The following OSBPL1A variants were observed in gnomAD, a reference collection of about 807,000 sequenced individuals.
OSBPL1A encodes oxysterol-binding protein-related protein 1.
OSBPL1A carries 80 observed loss-of-function variants against 137.1 expected under a neutral mutation model. That is an observed-to-expected ratio of 0.58 (90% confidence interval 0.49 to 0.70). The LOEUF (loss-of-function observed/expected upper bound fraction) is 0.70, where lower values mean the gene tolerates loss of function less well. OSBPL1A is among the 30% of genes least tolerant of loss of function. OSBPL1A has a pLI of 0.00. For missense variants in OSBPL1A, 970 were observed against 1,129.4 expected (o/e 0.86, Z 2.02); for synonymous variants, 365 against 389.7 (o/e 0.94, Z 0.75).
chr18:24,301,126 C>T (rs10163707), intron 14 of OSBPL1A, among the ~76,000 whole-genome samples: 43,365 of 152,096 alleles, frequency 0.29, 7,462 homozygotes, highest in African/African-American at 0.48. Context: ...CCTATTATTA[C>T]TTATGTAAAA....
chr18:24,302,943 G>A (rs1246401983), intron 14 of OSBPL1A, among the ~76,000 whole-genome samples: 1 of 152,072 alleles, frequency 6.6e-6, no homozygotes, highest in Non-Finnish European at 1.5e-5. Context: ...CAGCCGGTAA[G>A]TGGAAGAGTA....
intron 14 of OSBPL1A, among the ~76,000 whole-genome samples, chr18:24,302,089 C>T (rs941418653): frequency 5.9e-5 from 9 of 151,776 alleles, no homozygotes; most frequent in African/African-American, 1.5e-4. Flanking sequence ...AAAAATTAGC[C>T]GGGCATGGTA....
chr18:24,163,405 AGAGATGCTGAAGTGAT>A, intron 27 of OSBPL1A, 124 bp from the exon 28 acceptor site: 1 of 646,016 alleles, frequency 1.5e-6, no homozygotes, highest in South Asian at 2.0e-5. Context: ...ATAGTTCTAA[AGAGATGCTGAAGTGAT>A]GCTGTATTTC....
chr18:24,314,393 G>A, intron 11 of OSBPL1A, 46 bp from the exon 12 acceptor site: 1 of 1,317,888 alleles, frequency 7.6e-7, no homozygotes, highest in East Asian at 2.3e-5. Flanking sequence ...TCACATAAAA[G>A]AGGACCCTAA....
At chr18:24,328,218 A>ATTTTT (rs564798076) in intron 7 of OSBPL1A, among the ~76,000 whole-genome samples, 16 of 48,614 alleles carry the variant, frequency 3.3e-4, no homozygotes, top group Non-Finnish European at 4.5e-4. Context: ...AATTTTTTGT[A>ATTTTT]TTTTTTTTTT....
intron 15 of OSBPL1A, among the ~76,000 whole-genome samples, chr18:24,262,422 T>A (rs1035779519): frequency 2.0e-5 from 3 of 151,782 alleles, no homozygotes; most frequent in Non-Finnish European, 4.4e-5. Context: ...CCACCAGAGG[T>A]AAATAATCAT....
intron 4 of OSBPL1A, among the ~76,000 whole-genome samples, chr18:24,352,945 C>A (rs1451175208): frequency 2.6e-5 from 4 of 152,126 alleles, no homozygotes; most frequent in African/African-American, 9.7e-5. Flanking sequence ...ACATGTTAAA[C>A]CTAAAACCAT....
intron 18 of OSBPL1A, among the ~76,000 whole-genome samples, chr18:24,185,561 C>T (rs1250092429): frequency 1.3e-5 from 2 of 152,148 alleles, no homozygotes; most frequent in Non-Finnish European, 2.9e-5. Flanking sequence ...CCTCGTGATC[C>T]GCCCACCTCG....
At chr18:24,165,843 C>T (rs1314199225) in intron 26 of OSBPL1A, among the ~76,000 whole-genome samples, 1 of 152,188 alleles carries the variant, frequency 6.6e-6, no homozygotes, top group Non-Finnish European at 1.5e-5. Flanking sequence ...AGCCTGTAAT[C>T]CCAGCACTTT....
rs117171022 is a variant in OSBPL1A at position 24,251,611 on chromosome 18, C to A, written c.1282-12229G>T. ...CCTTCTCAAGAAGGACAGGCACAAA[C>A]AAGCCTAGACTGTGAAAACTACAAT... is the stretch of plus-strand genomic sequence containing the variant. On this transcript the variant is annotated intron_variant, in intron 15 of 27. Coordinates refer to ENST00000319481, the MANE Select transcript of OSBPL1A (RefSeq NM_080597.4). 8.9e-4 allele frequency among the ~76,000 whole-genome samples: 136 copies of A among 152,300 alleles called. 4 individuals carry two copies. In the East Asian group the frequency reaches 0.025, roughly 29 times the overall value.
At chr18:24,315,814 T>TAA (rs1182381064) in intron 11 of OSBPL1A, among the ~76,000 whole-genome samples, 13 of 67,044 alleles carry the variant, frequency 1.9e-4, no homozygotes, top group East Asian at 1.2e-3. Flanking sequence ...TATTATATAA[T>TAA]AAAATATATA....
chr18:24,246,715 C>G lies in OSBPL1A; in HGVS notation c.1282-7333G>C, dbSNP rs368044996. Among the ~76,000 whole-genome samples, 7 of 150,514 alleles carry G rather than the reference C, an allele frequency of 4.7e-5. No homozygotes were observed. In the East Asian group the frequency reaches 1.4e-3, roughly 30 times the overall value. On this transcript the variant is annotated intron_variant, in intron 15 of 27. Coordinates refer to ENST00000319481, the MANE Select transcript of OSBPL1A (RefSeq NM_080597.4). Reference sequence around the variant, plus strand: ...CTGAGGCAGGAGAATCACTTGAACCCGGGAGGCGGAGGTTGCAGTGAGCCA... The same window carrying G: ...CTGAGGCAGGAGAATCACTTGAACCGGGGAGGCGGAGGTTGCAGTGAGCCA...
Position 24,163,063 on chromosome 18 carries a change from G to T in OSBPL1A, c.*116C>A. The T allele has an allele frequency of 1.5e-6, 1 of 686,556 alleles. No individual in the cohort carries two copies. Among genetic ancestry groups the T allele is most frequent in the Admixed American group, 3.4e-5 (1 of 29,702 alleles). The allele number at this position is 686,556 out of a possible 1,614,324, so 42.5% of individuals were successfully genotyped here. ...GTTGGGTGAAATGCAGTTATCTCAT[G>T]AGTGTTTTTTCATTTTTTTTTTTAA... On this transcript the variant is annotated 3_prime_UTR_variant, in exon 28 of 28. Coordinates refer to ENST00000319481, the MANE Select transcript of OSBPL1A (RefSeq NM_080597.4).
chr18:24,283,130 T>C (rs1025629813), intron 14 of OSBPL1A, among the ~76,000 whole-genome samples: 4 of 151,544 alleles, frequency 2.6e-5, no homozygotes, highest in Non-Finnish European at 5.9e-5. Flanking sequence ...CTGGGCATGG[T>C]GGCTGGCGCC....
Position 24,335,439 on chromosome 18 carries a change from C to T in OSBPL1A, c.395-1109G>A, listed in dbSNP as rs140607782. On this transcript the variant is annotated intron_variant, in intron 5 of 27. Coordinates refer to ENST00000319481, the MANE Select transcript of OSBPL1A (RefSeq NM_080597.4). ...TCCAGAGTCCATGCTCTTATCACTA[C>T]GCTTCCTCTGAAGTCATACTTACAG... Among the ~76,000 whole-genome samples, 269 of 152,278 alleles carry T rather than the reference C, an allele frequency of 1.8e-3. 1 individual carries two copies. Among genetic ancestry groups the T allele is most frequent in the African/African-American group, 6.0e-3 (248 of 41,556 alleles).
At chr18:24,167,286 T>C (rs1333056521) in intron 25 of OSBPL1A, 43 bp downstream of exon 25, 1 of 1,555,346 alleles carries the variant, frequency 6.4e-7, no homozygotes, top group East Asian at 2.2e-5. Flanking sequence ...GCCACAATGC[T>C]AAACACAGAC....
intron 4 of OSBPL1A, chr18:24,358,450 C>A (rs115349528): frequency 4.3e-6 from 3 of 702,234 alleles, no homozygotes; most frequent in Non-Finnish European, 7.8e-6. Flanking sequence ...AGGTGTGATG[C>A]CACGAGCACT....
At chr18:24,353,500 A>G (rs1400856748) in intron 4 of OSBPL1A, among the ~76,000 whole-genome samples, 3 of 151,798 alleles carry the variant, frequency 2.0e-5, no homozygotes, top group Admixed American at 1.3e-4. Context: ...CATTGTGGAA[A>G]TCAGTGTGGC....
intron 4 of OSBPL1A, among the ~76,000 whole-genome samples, chr18:24,365,306 C>T (rs546286183): frequency 1.2e-4 from 19 of 152,040 alleles, no homozygotes; most frequent in Non-Finnish European, 1.9e-4. Context: ...ATGTTTAGGC[C>T]GAGTGCGGTG....
Sources: allele counts gnomAD v4.1 joint callset (sites outside exome capture counted in the v4.1 genomes callset), GRCh38; gene constraint gnomAD v4.1.1; transcripts MANE v1.5; gene names NCBI Gene and HGNC (gene_info 2026-07-23, HGNC 2026-07-21).